SSBP1: variants seen among roughly 807,000 people sequenced by gnomAD.
The protein encoded by SSBP1 is single stranded DNA binding protein 1.
A neutral mutation model predicts 27.0 loss-of-function variants in SSBP1; 20 were observed. The ratio of observed to expected loss-of-function variants is 0.74; its 90% CI spans 0.52 to 1.08. SSBP1 has a LOEUF of 1.08. Ranked by LOEUF, SSBP1 falls within the 50% of genes least tolerant of loss-of-function variation. SSBP1 has a pLI of 0.00. For synonymous variants in SSBP1, 59 were observed against 59.3 expected (o/e 1.00, Z 0.02); for missense variants, 137 against 182.4 (o/e 0.75, Z 1.44).
chr7:141,739,345 C>A, intron 2 of SSBP1, 155 bp downstream of exon 2: 2 of 509,076 alleles, frequency 3.9e-6, no homozygotes, highest in South Asian at 5.5e-5. Context: ...GACGATTTTG[C>A]CAGTGTAAAT....
chr7:141,739,228 T>G, intron 2 of SSBP1, 38 bp downstream of exon 2: 1 of 1,538,604 alleles, frequency 6.5e-7, no homozygotes, highest in Non-Finnish European at 8.8e-7. Flanking sequence ...GATGTATTAC[T>G]ATCAGCCACA....
At chr7:141,744,342 G>A (rs1306924024) in intron 5 of SSBP1, among the ~76,000 whole-genome samples, 1 of 152,196 alleles carries the variant, frequency 6.6e-6, no homozygotes, top group Non-Finnish European at 1.5e-5. Context: ...CTCTGTGGCC[G>A]GGGATGCTGA....
At chr7:141,744,095 T>A in intron 5 of SSBP1, 106 bp downstream of exon 5, 2 of 897,704 alleles carry the variant, frequency 2.2e-6, no homozygotes, top group Non-Finnish European at 3.3e-6. Flanking sequence ...TGAGTACTAC[T>A]AATGACTGTA....
intron 6 of SSBP1, chr7:141,745,790 C>T: frequency 2.3e-6 from 3 of 1,302,872 alleles, no homozygotes; most frequent in South Asian, 2.3e-5. Context: ...TTTATACTTA[C>T]AGTTTTAGTC....
intron 6 of SSBP1, 53 bp downstream of exon 6, chr7:141,745,637 A>G: frequency 2.5e-6 from 4 of 1,606,682 alleles, no homozygotes; most frequent in Non-Finnish European, 3.4e-6. Flanking sequence ...TTTCTTTTTT[A>G]AAAGCTTGGC....
chr7:141,750,273 G>A (rs1799914129), intron 6 of SSBP1, 38 bp from the exon 7 acceptor site: 1 of 1,445,306 alleles, frequency 6.9e-7, no homozygotes. Context: ...TGGAGAAAGA[G>A]TTCTGAAATT....
chr7:141,744,082 C>G (rs1384152644), intron 5 of SSBP1, 93 bp downstream of exon 5: 1 of 1,045,038 alleles, frequency 9.6e-7, no homozygotes, highest in African/African-American at 1.6e-5. Flanking sequence ...TCTCTTAAAT[C>G]CCTGAGTACT....
intron 2 of SSBP1, 180 bp downstream of exon 2, chr7:141,739,370 CAAAA>C (rs919165184): frequency 2.3e-6 from 1 of 426,556 alleles, no homozygotes; most frequent in Admixed American, 4.3e-5. Flanking sequence ...TTCACTAAAA[CAAAA>C]AAAAAGTTCA....
intron 1 of SSBP1, chr7:141,738,753 C>T (rs749769865): frequency 1.5e-4 from 25 of 161,330 alleles, no homozygotes; most frequent in Non-Finnish European, 3.1e-4. Context: ...CCTTACTATG[C>T]ATTAAGAACT....
chr7:141,743,731 T>C (rs1310584308), intron 4 of SSBP1, 30 bp downstream of exon 4: 1 of 1,607,084 alleles, frequency 6.2e-7, no homozygotes. Context: ...GTTTTAATTT[T>C]ATCAGCAATA....
chr7:141,746,130 C>T (rs571470832), intron 6 of SSBP1: 99 of 246,124 alleles, frequency 4.0e-4, no homozygotes, highest in Middle Eastern at 4.4e-3. Context: ...AAGTGATTCT[C>T]CTGCCTCAGC....
chr7:141,748,017 A>AAT (rs1223966676), intron 6 of SSBP1, among the ~76,000 whole-genome samples: 1,401 of 139,702 alleles, frequency 0.01, 20 homozygotes, highest in African/African-American at 0.031. Flanking sequence ...AAAAAAAAAA[A>AAT]TTTTTTTTTT....
chr7:141,744,931 T>A (rs1799717536), intron 5 of SSBP1, among the ~76,000 whole-genome samples: 1 of 152,154 alleles, frequency 6.6e-6, no homozygotes, highest in Non-Finnish European at 1.5e-5. Flanking sequence ...CACGATTAGG[T>A]TTGTTATCTA....
intron 5 of SSBP1, 65 bp from the exon 6 acceptor site, chr7:141,745,431 C>G (rs1217012492): frequency 5.0e-6 from 7 of 1,397,018 alleles, no homozygotes; most frequent in African/African-American, 1.4e-5. Flanking sequence ...CAGTACCACC[C>G]TGACCTGACT....
chr7:141,741,145 G>A (rs1394004443), intron 2 of SSBP1: 2 of 152,248 alleles, frequency 1.3e-5, no homozygotes, highest in Non-Finnish European at 2.9e-5. Context: ...TTCCATGGAG[G>A]AGGGGGGTGC....
In SSBP1 at chr7:141,742,235, T is replaced by C; in HGVS notation, c.85+6T>C. 2 of 1,595,382 alleles carry C rather than the reference T, an allele frequency of 1.3e-6. No homozygotes were observed. Among genetic ancestry groups the C allele is most frequent in the Non-Finnish European group, 1.7e-6 (2 of 1,164,404 alleles). ...CAGTTTGGTTCTTGAAAGATGTAAGTAGCTAATTTCCAAGTTTAAAATGTT... is the reference window on the plus strand; with the variant it reads ...CAGTTTGGTTCTTGAAAGATGTAAGCAGCTAATTTCCAAGTTTAAAATGTT... On this transcript the variant is annotated splice_donor_region_variant and intron_variant, in intron 3 of 6. Coordinates refer to ENST00000265304, the MANE Select transcript of SSBP1 (RefSeq NM_003143.3).
intron 6 of SSBP1, among the ~76,000 whole-genome samples, chr7:141,748,698 A>G (rs958777530): frequency 1.3e-5 from 2 of 152,196 alleles, no homozygotes; most frequent in African/African-American, 2.4e-5. Context: ...TAGCACAGTC[A>G]GTTTACTTTA....
intron 3 of SSBP1, 39 bp downstream of exon 3, chr7:141,742,268 G>A: frequency 1.3e-6 from 2 of 1,499,802 alleles, no homozygotes; most frequent in Non-Finnish European, 1.9e-6. Flanking sequence ...GTTATTTTTA[G>A]TAATTTGCCA....
At position 141,745,479 on chromosome 7, in the gene SSBP1, C is replaced by T; in HGVS notation, c.315-17C>T. On this transcript the variant is annotated splice_polypyrimidine_tract_variant and intron_variant, in intron 5 of 6. Coordinates refer to ENST00000265304, the MANE Select transcript of SSBP1 (RefSeq NM_003143.3). ...ATTAAGATCTCAACTAAAAACTGTACATTTTATTTATATCAGGTCTCGAAT... is the reference window on the plus strand; with the variant it reads ...ATTAAGATCTCAACTAAAAACTGTATATTTTATTTATATCAGGTCTCGAAT... 6.3e-7 allele frequency: 1 copy of T among 1,578,498 alleles called. No individual in the cohort carries two copies. The highest frequency in any genetic ancestry group is 8.6e-7 in the Non-Finnish European group (1 of 1,159,800).
Sources: gnomAD v4.1 joint callset for allele counts (sites outside exome capture counted in the v4.1 genomes callset) on GRCh38, gnomAD v4.1.1 for gene constraint, MANE v1.5 for transcripts, NCBI Gene and HGNC (gene_info 2026-07-23, HGNC 2026-07-21) for gene names.